The following CSDE1 variants were observed in gnomAD, a reference collection of about 807,000 sequenced individuals.
CSDE1 encodes cold shock domain containing E1.
Under a neutral mutation model 89.3 loss-of-function variants are expected in CSDE1, and 17 were observed. The ratio of observed to expected loss-of-function variants is 0.19; its 90% confidence interval spans 0.13 to 0.29. The LOEUF (loss-of-function observed/expected upper bound fraction) is 0.29. Ranked by LOEUF, CSDE1 falls within the 10% of genes least tolerant of loss-of-function variation. CSDE1 has a pLI of 1.00. For synonymous variants in CSDE1, 322 were observed against 332.8 expected, an observed-to-expected ratio of 0.97 and a Z score of 0.35; for missense variants, 672 against 984.2, an observed-to-expected ratio of 0.68 and a Z score of 4.24.
Position 114,719,659 on chromosome 1 carries a change from C to A in CSDE1, c.2136G>T (p.Gln712His). Residue 712 changes from glutamine to histidine, a missense_variant, in exon 18 of 20, where the codon CAG becomes CAT. This residue lies in a region of CSDE1 where 206 missense variants were observed against 332.4 expected (regional missense o/e 0.62). Coordinates refer to ENST00000358528, the MANE Select transcript of CSDE1 (RefSeq NM_001007553.3). ...VKEVQDGIEL[Q>H]AGDEVEFSVI... ...CTGAGAACTCCACCTCATCTCCTGCCTGTAGCTCAATGCCATCCTGAACTT... is the reference window on the plus strand; with the variant it reads ...CTGAGAACTCCACCTCATCTCCTGCATGTAGCTCAATGCCATCCTGAACTT... 1 of 1,614,052 alleles carries A rather than the reference C, an allele frequency of 6.2e-7. No individual in the cohort carries two copies.
intron 12 of CSDE1, among the ~76,000 whole-genome samples, chr1:114,729,014 C>T (rs959915400): frequency 3.3e-5 from 5 of 152,148 alleles, no homozygotes; most frequent in African/African-American, 4.8e-5. Flanking sequence ...CCCATCTAGG[C>T]TTCATATTGC....
At position 114,723,845 on chromosome 1, in the gene CSDE1, T is replaced by C. The variant is rs201110727; in HGVS notation, c.1873+38A>G. On this transcript the variant is annotated intron_variant, in intron 16 of 19. Transcript: ENST00000358528. Reference sequence around the variant, plus strand: ...CTTTATAGGTGCTCATCTGAAGTTATGGCAAATTTCAAACAGCCTGATAGT... The same window carrying C: ...CTTTATAGGTGCTCATCTGAAGTTACGGCAAATTTCAAACAGCCTGATAGT... 1.8e-4 allele frequency: 287 copies of C among 1,612,856 alleles called. 5 individuals carry two copies. The East Asian group carries it at 2.3e-3, about 13-fold the overall frequency.
chr1:114,741,647 A>G, intron 2 of CSDE1: 3 of 1,545,990 alleles, frequency 1.9e-6, no homozygotes, highest in Non-Finnish European at 2.6e-6. Context: ...CTGATGACAC[A>G]GTAAAAACGT....
At position 114,727,198 on chromosome 1, in the gene CSDE1, T is replaced by TA. The variant is rs941697449; in HGVS notation, c.1357-109dup. ...TTGTGCCAAAGGATTGGTACAGCTG[T>TA]AAAAATGTCTTATTCCAGCATTTTC... is the stretch of plus-strand genomic sequence containing the variant. On this transcript the variant is annotated intron_variant, in intron 12 of 19. Transcript: ENST00000358528. 112 of 679,100 alleles carry TA rather than the reference T, an allele frequency of 1.6e-4. No homozygotes were observed. The African/African-American group carries it at 2.0e-3, about 12-fold the overall frequency. The allele number at this position is 679,100 out of a possible 1,614,324, so 42.1% of individuals were successfully genotyped here.
intron 9 of CSDE1, 63 bp from the exon 10 acceptor site, chr1:114,732,879 C>G: frequency 1.5e-6 from 2 of 1,363,774 alleles, no homozygotes; most frequent in Non-Finnish European, 2.1e-6. Flanking sequence ...CTAAGTCAAA[C>G]AAGAAGAACA....
chr1:114,728,855 T>G (rs574321076), intron 12 of CSDE1, among the ~76,000 whole-genome samples: 110 of 152,348 alleles, frequency 7.2e-4, no homozygotes, highest in Non-Finnish European at 1.3e-3. Flanking sequence ...TTCTGGCTAA[T>G]AGCAATTATT....
chr1:114,753,828 A>G (rs1325243844), intron 1 of CSDE1, among the ~76,000 whole-genome samples: 1 of 151,904 alleles, frequency 6.6e-6, no homozygotes, highest in East Asian at 1.9e-4. Flanking sequence ...AGGCAGGAGG[A>G]TCACTTGAAT....
intron 10 of CSDE1, among the ~76,000 whole-genome samples, chr1:114,731,241 A>G (rs190100283): frequency 8.5e-5 from 13 of 152,278 alleles, no homozygotes; most frequent in Non-Finnish European, 1.9e-4. Flanking sequence ...TGTATTACAT[A>G]CTACATATCT....
At chr1:114,744,863 T>C (rs1379779398) in intron 2 of CSDE1, among the ~76,000 whole-genome samples, 5 of 152,178 alleles carry the variant, frequency 3.3e-5, no homozygotes, top group African/African-American at 1.2e-4. Context: ...AATTCAAAGC[T>C]AAATCCCTAG....
At chr1:114,751,919 C>G (rs1661330316) in intron 1 of CSDE1, among the ~76,000 whole-genome samples, 1 of 152,192 alleles carries the variant, frequency 6.6e-6, no homozygotes, top group Non-Finnish European at 1.5e-5. Context: ...CCGCCAACTT[C>G]CAGTGTGCAC....
intron 14 of CSDE1, 29 bp downstream of exon 14, chr1:114,726,182 C>G (rs1420195166): frequency 6.4e-7 from 1 of 1,565,852 alleles, no homozygotes; most frequent in Non-Finnish European, 8.6e-7. Flanking sequence ...GGTAAGTTAG[C>G]TGTAAAGTTC....
intron 16 of CSDE1, among the ~76,000 whole-genome samples, chr1:114,722,035 T>TAA (rs1659554218): frequency 6.6e-6 from 1 of 151,786 alleles, no homozygotes; most frequent in Non-Finnish European, 1.5e-5. Flanking sequence ...GCACCCACCA[T>TAA]GATACCTGGC....
intron 2 of CSDE1, among the ~76,000 whole-genome samples, chr1:114,744,697 TA>T (rs909576966): frequency 2.7e-4 from 41 of 151,538 alleles, no homozygotes; most frequent in East Asian, 1.7e-3. Context: ...TGAAATCAAT[TA>T]AAAAAAAATC....
At chr1:114,719,078 A>G (rs944048173) in intron 18 of CSDE1, 1 of 246,640 alleles carries the variant, frequency 4.1e-6, no homozygotes, top group Non-Finnish European at 7.8e-6. Flanking sequence ...TTGAGAGGAC[A>G]GGGCAGGAGG....
chr1:114,719,726 T>C lies in CSDE1; in HGVS notation c.2069A>G (p.Tyr690Cys). The C allele has an allele frequency of 6.2e-7, 1 of 1,610,742 alleles. No homozygotes were observed. The highest frequency in any genetic ancestry group is 8.5e-7 in the Non-Finnish European group (1 of 1,179,176). The change falls in exon 18 of 20, where the codon TAT (tyrosine) becomes TGT (cysteine). Residue 690 changes from tyrosine to cysteine, a missense_variant. Transcript: ENST00000358528. ...CVKDQFGFIN[Y>C]EVGDSKKLFF... ...GAGCTTCTTGCTATCTCCTACTTCA[T>C]AGTTAATGAAGCCAAACTGAAAAAA...
At chr1:114,728,893 C>T (rs148374764) in intron 12 of CSDE1, among the ~76,000 whole-genome samples, 1 of 152,306 alleles carries the variant, frequency 6.6e-6, no homozygotes, top group African/African-American at 2.4e-5. Flanking sequence ...TCCAGTATCT[C>T]TCATGTACCT....
chr1:114,738,056 T>C lies in CSDE1; in HGVS notation c.216A>G (p.Glu72=). 6.2e-6 allele frequency: 10 copies of C among 1,613,158 alleles called. No homozygotes were observed. The highest frequency in any genetic ancestry group is 8.5e-6 in the Non-Finnish European group (10 of 1,179,098). Reference sequence around the variant, plus strand: ...TCCCAGTCCGTCGGTCCGATGATACTTCAAATTCAACATCATCTAAAAATA... The same window carrying C: ...TCCCAGTCCGTCGGTCCGATGATACCTCAAATTCAACATCATCTAAAAATA... The part of the protein sequence containing the change: ...DLKVGDDVEF[E]VSSDRRTGKP... Residue 72 remains glutamate (E), a synonymous_variant, in exon 4 of 20, where the codon GAA becomes GAG. Transcript: ENST00000358528.
At chr1:114,737,660 AG>A in intron 4 of CSDE1, 97 bp from the exon 5 acceptor site, 1 of 878,410 alleles carries the variant, frequency 1.1e-6, no homozygotes, top group Non-Finnish European at 1.8e-6. Context: ...TACTATATAC[AG>A]GGATGCATTT....
intron 2 of CSDE1, among the ~76,000 whole-genome samples, chr1:114,743,504 C>T (rs115044771): frequency 0.014 from 2,171 of 152,148 alleles, 39 homozygotes; most frequent in African/African-American, 0.049. Context: ...CACTTGGCCT[C>T]ATGTTTAGAC....
Sources: gnomAD v4.1 joint callset for allele counts (sites outside exome capture counted in the v4.1 genomes callset) on GRCh38, gnomAD v4.1.1 for gene constraint, gnomAD v4.1.1 regional missense constraint, MANE v1.5 for transcripts, NCBI Gene and HGNC (gene_info 2026-07-23, HGNC 2026-07-21) for gene names.